The following LGSN variants were observed in gnomAD, a reference collection of about 807,000 sequenced individuals.
The protein encoded by LGSN is lengsin.
Under a neutral mutation model 19.5 loss-of-function variants are expected in LGSN, and 21 were observed. That is an observed-to-expected ratio of 1.07 (90% confidence interval 0.76 to 1.55). LGSN has a LOEUF of 1.55. Ranked by LOEUF, LGSN falls within the 40% of genes most tolerant of loss-of-function variation. LGSN has a pLI of 0.00. For synonymous variants in LGSN, 257 were observed against 215.6 expected (o/e 1.19, Z -1.68); for missense variants, 673 against 608.5 (o/e 1.11, Z -1.12).
chr6:63,419,958 C>A, the LGSN span, among the ~76,000 whole-genome samples: 3 of 121,496 alleles, frequency 2.5e-5, no homozygotes, highest in African/African-American at 9.0e-5. Flanking sequence ...GTAATCCCAG[C>A]ACTTTGGGAG....
the LGSN span, among the ~76,000 whole-genome samples, chr6:63,412,689 G>GAA: frequency 6.5e-4 from 67 of 102,504 alleles, no homozygotes; most frequent in African/African-American, 1.6e-3. Context: ...AAGAAAGAAA[G>GAA]AGAAAGAAAG....
At chr6:63,556,321 GT>G in the LGSN span, among the ~76,000 whole-genome samples, 764 of 145,868 alleles carry the variant, frequency 5.2e-3, 2 homozygotes, top group Non-Finnish European at 8.2e-3. Context: ...ATCAAACTTG[GT>G]TTTTTTTTTT....
the LGSN span, among the ~76,000 whole-genome samples, chr6:63,513,853 G>A: frequency 2.1e-5 from 3 of 144,258 alleles, no homozygotes; most frequent in East Asian, 6.4e-4. Context: ...AGAGGTGTCC[G>A]TGAGCTGAGA....
chr6:63,454,797 T>TTA, the LGSN span, among the ~76,000 whole-genome samples: 2 of 134,468 alleles, frequency 1.5e-5, no homozygotes, highest in African/African-American at 2.8e-5. Flanking sequence ...CTTTTTCTTT[T>TTA]TTTTTTTTTT....
chr6:63,554,474 C>A, the LGSN span, among the ~76,000 whole-genome samples: 3 of 152,254 alleles, frequency 2.0e-5, no homozygotes, highest in Non-Finnish European at 4.4e-5. Context: ...TCTTCTCAGC[C>A]TTCCCATAGC....
At chr6:63,412,674 G>GA in the LGSN span, among the ~76,000 whole-genome samples, 37 of 113,860 alleles carry the variant, frequency 3.2e-4, no homozygotes, top group African/African-American at 1.1e-3. Context: ...GGAAGGAAAG[G>GA]AAGAAAGAAA....
intron 2 of LGSN, chr6:63,293,910 C>T: frequency 5.3e-6 from 2 of 380,640 alleles, no homozygotes; most frequent in South Asian, 4.0e-5. Flanking sequence ...TCAACTGTCT[C>T]TTAATATAAT....
chr6:63,331,532 C>T, the LGSN span, among the ~76,000 whole-genome samples: 2 of 152,080 alleles, frequency 1.3e-5, no homozygotes, highest in Non-Finnish European at 2.9e-5. Flanking sequence ...AAGACAAAAC[C>T]GCCCGTGGTT....
the LGSN span, among the ~76,000 whole-genome samples, chr6:63,398,966 G>A: frequency 6.6e-6 from 1 of 152,032 alleles, no homozygotes; most frequent in African/African-American, 2.4e-5. Flanking sequence ...CATGACACAT[G>A]GCTAGTTTTC....
chr6:63,354,835 T>A, the LGSN span, among the ~76,000 whole-genome samples: 1 of 151,966 alleles, frequency 6.6e-6, no homozygotes, highest in Non-Finnish European at 1.5e-5. Flanking sequence ...TGCAGCAACA[T>A]TGATGGAAGT....
rs903676399 is a variant in LGSN, at chr6:63,276,100, T to G, written c.*3921A>C. 1 of 152,214 alleles carries G rather than the reference T, an allele frequency of 6.6e-6. No individual in the cohort carries two copies. Among genetic ancestry groups the G allele is most frequent in the Non-Finnish European group, 1.5e-5 (1 of 68,026 alleles). 9.4% of individuals were successfully genotyped at this position (152,214 alleles called of 1,614,324 possible). A position where few individuals can be genotyped will look rare whatever the true frequency, so the allele number is the denominator to read the frequency against. ...AGGTAATGTTTAAAGACACAAATTCTTACCCCTGTCATAGAAAACCCAAGG... is the reference window on the plus strand; with the variant it reads ...AGGTAATGTTTAAAGACACAAATTCGTACCCCTGTCATAGAAAACCCAAGG... On this transcript the variant is annotated 3_prime_UTR_variant, in exon 4 of 4. Transcript: ENST00000370657.
intron 1 of LGSN, among the ~76,000 whole-genome samples, chr6:63,296,796 A>G (rs1011748828): frequency 8.5e-5 from 13 of 152,124 alleles, no homozygotes; most frequent in African/African-American, 2.7e-4. Flanking sequence ...AAATCTCACC[A>G]TTTTACAAAT....
At position 63,280,944 on chromosome 6, in the gene LGSN, G is replaced by A. The variant is rs778372687; in HGVS notation, c.607C>T (p.Leu203Phe). ...SHLQASGFSL[L>F]SAFIYDFCIF... Reference sequence around the variant, plus strand: ...CAAAAATCATAGATGAAAGCAGAAAGCAGGGAAAAGCCAGAGGCCTGCAGA... The same window carrying A: ...CAAAAATCATAGATGAAAGCAGAAAACAGGGAAAAGCCAGAGGCCTGCAGA... The change falls in exon 4 of 4, where the codon CTT (leucine) becomes TTT (phenylalanine). Residue 203 changes from leucine to phenylalanine, a missense_variant. Physicochemically the swap from Leu to Phe is conservative, Grantham distance 22. Transcript: ENST00000370657. The A allele has an allele frequency of 1.9e-6, 3 of 1,614,000 alleles. No individual in the cohort carries two copies. Among genetic ancestry groups the A allele is most frequent in the East Asian group, 4.5e-5 (2 of 44,886 alleles).
chr6:63,394,114 A>C, the LGSN span, among the ~76,000 whole-genome samples: 1 of 152,176 alleles, frequency 6.6e-6, no homozygotes, highest in Non-Finnish European at 1.5e-5. Context: ...TAAAAATACA[A>C]AAATTAGCTG....
the LGSN span, among the ~76,000 whole-genome samples, chr6:63,365,547 A>T: frequency 1.3e-5 from 2 of 152,224 alleles, no homozygotes; most frequent in South Asian, 2.1e-4. Flanking sequence ...AAACTATTCC[A>T]ATCAATAGAA....
At chr6:63,526,095 C>T in the LGSN span, among the ~76,000 whole-genome samples, 1 of 151,958 alleles carries the variant, frequency 6.6e-6, no homozygotes, top group East Asian at 1.9e-4. Context: ...GAGGCCAAGG[C>T]GGGCAGATCA....
chr6:63,538,621 A>G, the LGSN span, among the ~76,000 whole-genome samples: 1 of 152,224 alleles, frequency 6.6e-6, no homozygotes, highest in South Asian at 2.1e-4. Context: ...AAAAAGAAAA[A>G]AAGAAGTTGA....
the LGSN span, among the ~76,000 whole-genome samples, chr6:63,553,339 T>C: frequency 6.6e-6 from 1 of 152,222 alleles, no homozygotes; most frequent in South Asian, 2.1e-4. Context: ...CGGGTTCAGA[T>C]AGAATCTCCT....
the LGSN span, among the ~76,000 whole-genome samples, chr6:63,355,316 G>T: frequency 2.0e-5 from 3 of 152,218 alleles, no homozygotes; most frequent in Admixed American, 6.5e-5. Flanking sequence ...TTGAGTGCTG[G>T]GCACTGTTCT....
Sources: allele counts gnomAD v4.1 joint callset (sites outside exome capture counted in the v4.1 genomes callset), GRCh38; gene constraint gnomAD v4.1.1; transcripts MANE v1.5; gene names NCBI Gene and HGNC (gene_info 2026-07-23, HGNC 2026-07-21).